Variants in BTG4 observed in about 807,000 individuals in gnomAD.
The protein encoded by BTG4 is BTG anti-proliferation factor 4, also known as protein BTG4.
BTG4 carries 10 observed loss-of-function variants against 19.3 expected under a neutral mutation model. That is an observed-to-expected ratio of 0.52 (90% confidence interval 0.32 to 0.88). The LOEUF (loss-of-function observed/expected upper bound fraction) is 0.88. BTG4 is among the 40% of genes least tolerant of loss of function. The probability of loss-of-function intolerance (pLI) is 0.04; values close to 1 mark genes in which losing one functional copy is unlikely to be tolerated. For synonymous variants in BTG4, 91 were observed against 95.7 expected, an observed-to-expected ratio of 0.95 and a Z score of 0.29; for missense variants, 238 against 281.9, an observed-to-expected ratio of 0.84 and a Z score of 1.11.
chr11:111,425,539 C>T, the BTG4 span, among the ~76,000 whole-genome samples: 2 of 151,772 alleles, frequency 1.3e-5, no homozygotes, highest in Non-Finnish European at 2.9e-5. Context: ...TTATCTGGCC[C>T]GATAGTAGAA....
intron 1 of BTG4, among the ~76,000 whole-genome samples, chr11:111,510,368 T>G (rs545062867): frequency 4.3e-4 from 65 of 152,344 alleles, no homozygotes; most frequent in African/African-American, 1.5e-3. Flanking sequence ...TCTCTCCTGA[T>G]AGCTCCTTTT....
At chr11:111,441,181 A>T in the BTG4 span, among the ~76,000 whole-genome samples, 1 of 151,768 alleles carries the variant, frequency 6.6e-6, no homozygotes, top group East Asian at 1.9e-4. Context: ...TACAAAAAGG[A>T]ATGAAGAATA....
chr11:111,399,905 A>G, the BTG4 span, among the ~76,000 whole-genome samples: 2 of 151,942 alleles, frequency 1.3e-5, no homozygotes, highest in Non-Finnish European at 2.9e-5. Flanking sequence ...AGTGGGACTG[A>G]GGTGTGAGGG....
downstream of BTG4, among the ~76,000 whole-genome samples, chr11:111,493,860 T>A (rs1865564879): frequency 6.6e-6 from 1 of 152,118 alleles, no homozygotes; most frequent in Non-Finnish European, 1.5e-5. Context: ...GCACCCAAAG[T>A]AATGAGGCTA....
At chr11:111,506,821 G>C (rs1317777198) in intron 1 of BTG4, among the ~76,000 whole-genome samples, 1 of 152,022 alleles carries the variant, frequency 6.6e-6, no homozygotes. Flanking sequence ...ACTATATTAA[G>C]TGTCAAAGTG....
At chr11:111,471,621 C>T (rs931312748) in intron 5 of BTG4, among the ~76,000 whole-genome samples, 28 of 152,056 alleles carry the variant, frequency 1.8e-4, no homozygotes, top group Admixed American at 1.6e-3. Flanking sequence ...GACTCAGTCC[C>T]GTCCCCTTCT....
At chr11:111,402,079 G>A in the BTG4 span, among the ~76,000 whole-genome samples, 1 of 152,206 alleles carries the variant, frequency 6.6e-6, no homozygotes, top group African/African-American at 2.4e-5. Flanking sequence ...GGACCTGATG[G>A]GAAGTAATGG....
At chr11:111,423,990 C>T in the BTG4 span, among the ~76,000 whole-genome samples, 1 of 152,144 alleles carries the variant, frequency 6.6e-6, no homozygotes, top group South Asian at 2.1e-4. Context: ...CAGGTCACCA[C>T]AGCCTTAGAA....
chr11:111,442,532 ACACACACACACACC>A, the BTG4 span, among the ~76,000 whole-genome samples: 11 of 150,964 alleles, frequency 7.3e-5, no homozygotes, highest in African/African-American at 2.7e-4. Flanking sequence ...ACACACACAC[ACACACACACACACC>A]AGATGAGCCT....
chr11:111,484,930 C>A (rs938388125), intron 5 of BTG4, among the ~76,000 whole-genome samples: 2 of 151,996 alleles, frequency 1.3e-5, no homozygotes, highest in African/African-American at 4.8e-5. Flanking sequence ...AAAAGATATT[C>A]TATGCAAATG....
intron 2 of BTG4, 40 bp downstream of exon 2, chr11:111,498,564 G>A (rs750894364): frequency 6.4e-7 from 1 of 1,555,844 alleles, no homozygotes; most frequent in South Asian, 1.2e-5. Context: ...TGGTTGCTTG[G>A]TGATTGCTTC....
intron 1 of BTG4, among the ~76,000 whole-genome samples, chr11:111,510,636 TC>T (rs1350328588): frequency 9.9e-5 from 15 of 151,962 alleles, no homozygotes; most frequent in Middle Eastern, 6.8e-3. Context: ...GAACAAGCAT[TC>T]TTTTTTTTTT....
the BTG4 span, among the ~76,000 whole-genome samples, chr11:111,406,751 A>G: frequency 3.3e-5 from 5 of 152,292 alleles, no homozygotes; most frequent in Admixed American, 2.6e-4. Flanking sequence ...TGCTGATGGC[A>G]TCTCCTTTGT....
chr11:111,441,522 G>A, the BTG4 span, among the ~76,000 whole-genome samples: 1 of 152,100 alleles, frequency 6.6e-6, no homozygotes, highest in African/African-American at 2.4e-5. Context: ...AATTAGTCAT[G>A]AGTTCCTTAG....
At chr11:111,429,838 C>T in the BTG4 span, among the ~76,000 whole-genome samples, 4 of 152,244 alleles carry the variant, frequency 2.6e-5, no homozygotes, top group Non-Finnish European at 4.4e-5. Context: ...CCTGCTTTCT[C>T]ATATCTTCCA....
chr11:111,476,575 T>A (rs1864410226), intron 5 of BTG4, among the ~76,000 whole-genome samples: 1 of 152,170 alleles, frequency 6.6e-6, no homozygotes, highest in South Asian at 2.1e-4. Flanking sequence ...AATTGGCTAC[T>A]TAGTCATCTT....
At chr11:111,411,105 T>G in the BTG4 span, among the ~76,000 whole-genome samples, 1 of 152,088 alleles carries the variant, frequency 6.6e-6, no homozygotes. Context: ...GCAGCCAGAG[T>G]GATCCTTTTA....
Position 111,498,063 on chromosome 11 carries a change from A to G in BTG4, c.246T>C (p.Asp82=). 1 of 1,614,146 alleles carries G rather than the reference A, an allele frequency of 6.2e-7. No individual in the cohort carries two copies. Among genetic ancestry groups the G allele is most frequent in the Non-Finnish European group, 8.5e-7 (1 of 1,179,992 alleles). ...LERACVESNV[D]FSHLGLPKEM... is the part of the protein sequence containing the mutation. ...CCTTCGGAAGTCCCAGGTGAGAAAA[A>G]TCTACATTACTTTCCACACATGCCC... is the stretch of plus-strand genomic sequence containing the variant. Residue 82 remains aspartate, a synonymous_variant, in exon 3 of 5, where the codon GAT becomes GAC. Transcript: ENST00000692032.
downstream of BTG4, among the ~76,000 whole-genome samples, chr11:111,494,444 C>T: frequency 6.6e-6 from 1 of 152,188 alleles, no homozygotes; most frequent in East Asian, 1.9e-4. Flanking sequence ...ATCTCCCTTC[C>T]TAATTTTAAA....
Sources: gnomAD v4.1 joint callset for allele counts (sites outside exome capture counted in the v4.1 genomes callset) on GRCh38, gnomAD v4.1.1 for gene constraint, MANE v1.5 for transcripts, NCBI Gene and HGNC (gene_info 2026-07-23, HGNC 2026-07-21) for gene names.